The following TRPM3 variants were observed in gnomAD, a reference collection of about 807,000 sequenced individuals.
TRPM3 encodes the protein transient receptor potential cation channel subfamily M member 3, also known as long transient receptor potential channel 3.
TRPM3 carries 77 observed loss-of-function variants against 181.2 expected under a neutral mutation model. That is an observed-to-expected ratio of 0.42 (90% confidence interval 0.35 to 0.51). TRPM3 has a LOEUF of 0.51. Among genes scored for constraint, TRPM3 ranks in the 20% least tolerant of loss-of-function variants. The pLI, the probability that TRPM3 is intolerant of heterozygous loss-of-function variation, is 0.01. For missense variants in TRPM3, 1,759 were observed against 2,196.7 expected, an observed-to-expected ratio of 0.80 and a Z score of 3.98; for synonymous variants, 745 against 796.4, an observed-to-expected ratio of 0.94 and a Z score of 1.09.
intron 1 of TRPM3, among the ~76,000 whole-genome samples, chr9:71,242,273 T>C (rs1043539990): frequency 2.6e-5 from 4 of 152,172 alleles, no homozygotes; most frequent in African/African-American, 9.7e-5. Context: ...GTTTCTTCAC[T>C]GGCAGATGAC....
intron 1 of TRPM3, among the ~76,000 whole-genome samples, chr9:71,225,844 A>T (rs2131873194): frequency 6.6e-6 from 1 of 151,678 alleles, no homozygotes; most frequent in Admixed American, 6.6e-5. Context: ...TTTAGTAGAG[A>T]TGGGGTTTCA....
intron 1 of TRPM3, among the ~76,000 whole-genome samples, chr9:71,371,087 A>T (rs2092495944): frequency 6.6e-6 from 1 of 152,180 alleles, no homozygotes; most frequent in African/African-American, 2.4e-5. Context: ...ATTCATTTCA[A>T]TTATCACTGC....
chr9:71,288,245 A>G (rs2085468871), intron 1 of TRPM3, among the ~76,000 whole-genome samples: 1 of 151,858 alleles, frequency 6.6e-6, no homozygotes, highest in Non-Finnish European at 1.5e-5. Flanking sequence ...ACCTTAGTGA[A>G]TAGAAGGAGA....
chr9:71,155,724 C>T (rs2075969337), intron 1 of TRPM3, among the ~76,000 whole-genome samples: 2 of 152,012 alleles, frequency 1.3e-5, no homozygotes, highest in Non-Finnish European at 2.9e-5. Context: ...ACATTATTTA[C>T]ATCTTAGCAA....
chr9:70,635,287 C>CA (rs748890519), intron 11 of TRPM3, 26 bp from the exon 12 acceptor site: 4 of 1,611,608 alleles, frequency 2.5e-6, no homozygotes, highest in African/African-American at 1.3e-5. Flanking sequence ...AAGAATCAAA[C>CA]AGTTTTGCTA....
chr9:70,582,360 G>A (rs2056083960), intron 22 of TRPM3, among the ~76,000 whole-genome samples: 1 of 151,974 alleles, frequency 6.6e-6, no homozygotes, highest in South Asian at 2.1e-4. Flanking sequence ...CTTTTTGTTT[G>A]CTTGATTGAT....
At position 70,694,630 on chromosome 9, in the gene TRPM3, G is replaced by A. The variant is rs369365186; in HGVS notation, c.1273-13052C>T. Among the ~76,000 whole-genome samples the A allele has an allele frequency of 2.3e-3, 350 of 152,096 alleles. 2 individuals are homozygous for A. Among genetic ancestry groups the A allele is most frequent in the African/African-American group, 7.9e-3 (327 of 41,492 alleles). The stretch of plus-strand genomic sequence containing the variant: ...CGAGTAGCTGGGACTACAGGCACCC[G>A]CCACCACGCCCGGCTAATTTTTTGT... On this transcript the variant is annotated intron_variant, in intron 8 of 25. Coordinates refer to ENST00000677713, the MANE Select transcript of TRPM3 (RefSeq NM_001366145.2).
intron 1 of TRPM3, among the ~76,000 whole-genome samples, chr9:71,050,343 CAAAT>C (rs1358784806): frequency 6.6e-6 from 1 of 152,008 alleles, no homozygotes; most frequent in Non-Finnish European, 1.5e-5. Context: ...GAGAATTTAA[CAAAT>C]AAATATTAAA....
rs549433677 is a variant in TRPM3 at position 71,259,263 on chromosome 9, A to G, written c.183+187390T>C. 6.6e-5 allele frequency among the ~76,000 whole-genome samples: 10 copies of G among 152,318 alleles called. No individual in the cohort carries two copies. In the South Asian group the frequency reaches 2.1e-3, roughly 32 times the overall value. On this transcript the variant is annotated intron_variant, in intron 1 of 24. Coordinates refer to the TRPM3 transcript ENST00000357533. Reference sequence around the variant, plus strand: ...GGCTGCATAGTATTTCACAGTGTATATGTGCCACATTTTCTTTATCCAGTC... The same window carrying G: ...GGCTGCATAGTATTTCACAGTGTATGTGTGCCACATTTTCTTTATCCAGTC...
At chr9:71,119,928 C>T (rs1259258015) in intron 1 of TRPM3, among the ~76,000 whole-genome samples, 1 of 152,180 alleles carries the variant, frequency 6.6e-6, no homozygotes, top group Non-Finnish European at 1.5e-5. Flanking sequence ...AGCAAGCCAT[C>T]GCCATGACAA....
chr9:71,082,487 T>A (rs1416632633), intron 1 of TRPM3, among the ~76,000 whole-genome samples: 1 of 152,172 alleles, frequency 6.6e-6, no homozygotes, highest in Non-Finnish European at 1.5e-5. Flanking sequence ...TGTTCTAACT[T>A]CATTCTAGGT....
At chr9:71,415,323 AG>A (rs1377051704) in intron 1 of TRPM3, among the ~76,000 whole-genome samples, 4 of 152,044 alleles carry the variant, frequency 2.6e-5, no homozygotes, top group Non-Finnish European at 5.9e-5. Flanking sequence ...TGTTGTCTTA[AG>A]CTACTCAGTT....
intron 19 of TRPM3, 46 bp from the exon 20 acceptor site, chr9:70,603,516 GC>G: frequency 6.2e-7 from 1 of 1,605,884 alleles, no homozygotes; most frequent in Non-Finnish European, 8.5e-7. Flanking sequence ...AGGCCCAGGA[GC>G]CCCAGCATCA....
At chr9:71,228,042 A>G (rs1185068135) in intron 1 of TRPM3, among the ~76,000 whole-genome samples, 2 of 152,154 alleles carry the variant, frequency 1.3e-5, no homozygotes, top group Non-Finnish European at 2.9e-5. Flanking sequence ...AAAGAAAACT[A>G]CAGGCCAACA....
In TRPM3 at chr9:70,598,403, A is replaced by G. The variant is rs1372990910; in HGVS notation, c.3048+16T>C. On this transcript the variant is annotated intron_variant, in intron 21 of 25. Transcript: ENST00000677713. ...CTCTGAAAACTTATAACATGGAATCAGAAGACCCTGCTTACCATTTTTCCA... is the reference window on the plus strand; with the variant it reads ...CTCTGAAAACTTATAACATGGAATCGGAAGACCCTGCTTACCATTTTTCCA... The G allele has an allele frequency of 1.2e-6, 2 of 1,610,150 alleles. No homozygotes were observed. The highest frequency in any genetic ancestry group is 1.7e-5 in the Admixed American group (1 of 59,904).
chr9:71,170,933 C>G (rs1169733006), intron 1 of TRPM3, among the ~76,000 whole-genome samples: 20 of 152,176 alleles, frequency 1.3e-4, no homozygotes, highest in Admixed American at 1.3e-3. Flanking sequence ...TCTCTTCTTT[C>G]AAAAGCAAAT....
At chr9:71,335,586 A>T (rs1199417983) in intron 1 of TRPM3, among the ~76,000 whole-genome samples, 1 of 152,090 alleles carries the variant, frequency 6.6e-6, no homozygotes, top group Non-Finnish European at 1.5e-5. Flanking sequence ...CTATTTTTTC[A>T]TTTGAAATAA....
chr9:70,898,214 C>T (rs1343426325), intron 1 of TRPM3, among the ~76,000 whole-genome samples: 1 of 151,450 alleles, frequency 6.6e-6, no homozygotes, highest in African/African-American at 2.4e-5. Flanking sequence ...GCTCCGCCTC[C>T]CGGGTTCACG....
chr9:71,020,202 T>A (rs1434576502), intron 1 of TRPM3, among the ~76,000 whole-genome samples: 1 of 151,590 alleles, frequency 6.6e-6, no homozygotes. Context: ...ATTAAAAATG[T>A]CTGCCTGTAA....
Sources: allele counts gnomAD v4.1 joint callset (sites outside exome capture counted in the v4.1 genomes callset), GRCh38; gene constraint gnomAD v4.1.1; transcripts MANE v1.5; gene names NCBI Gene and HGNC (gene_info 2026-07-23, HGNC 2026-07-21).